The following SLC4A1 variants were observed in gnomAD, a reference collection of about 807,000 sequenced individuals.
The protein encoded by SLC4A1 is solute carrier family 4 member 1 (Diego blood group).
SLC4A1 carries 29 observed loss-of-function variants against 93.1 expected under a neutral mutation model. That is an observed-to-expected ratio of 0.31 (90% CI 0.23 to 0.42). The LOEUF (loss-of-function observed/expected upper bound fraction) is 0.42, where lower values mean the gene tolerates loss of function less well. SLC4A1 is among the 20% of genes least tolerant of loss of function. SLC4A1 has a pLI of 1.00. For synonymous variants in SLC4A1, 469 were observed against 497.2 expected (o/e 0.94, Z 0.76); for missense variants, 965 against 1,190.1 (o/e 0.81, Z 2.78).
chr17:44,263,522 G>A (rs1314167554), intron 1 of SLC4A1, among the ~76,000 whole-genome samples: 1 of 152,026 alleles, frequency 6.6e-6, no homozygotes, highest in Admixed American at 6.6e-5. Flanking sequence ...AACTCACTAA[G>A]CCCTTTCCTG....
At chr17:44,251,721 T>A (rs2047342511) in intron 17 of SLC4A1, 133 bp from the exon 18 acceptor site, 7 of 315,178 alleles carry the variant, frequency 2.2e-5, no homozygotes, top group Non-Finnish European at 3.0e-5. Context: ...TTTTCTTTTC[T>A]TTTTTTTTTT....
chr17:44,255,621 T>C, intron 14 of SLC4A1, 52 bp downstream of exon 14: 1 of 1,580,052 alleles, frequency 6.3e-7, no homozygotes, highest in Non-Finnish European at 8.7e-7. Flanking sequence ...GGGGGGGCTT[T>C]GGGCTGGGAT....
At chr17:44,263,470 G>A (rs967061287) in intron 1 of SLC4A1, among the ~76,000 whole-genome samples, 5 of 151,960 alleles carry the variant, frequency 3.3e-5, no homozygotes, top group Non-Finnish European at 5.9e-5. Flanking sequence ...CGTCTCTCTC[G>A]CTCTCTCCCC....
In SLC4A1 at chr17:44,251,345, G is replaced by A; in HGVS notation, c.2482-13C>T. On this transcript the variant is annotated splice_polypyrimidine_tract_variant and intron_variant, in intron 18 of 19. Coordinates refer to ENST00000262418, the MANE Select transcript of SLC4A1 (RefSeq NM_000342.4). The stretch of plus-strand genomic sequence containing the variant: ...GCCAGGTCTTCACCTGCAGGCGGAG[G>A]CTGGGGTCAGTGCCTATCACACCCC... 6.2e-7 allele frequency: 1 copy of A among 1,614,204 alleles called. No individual in the cohort carries two copies. Among genetic ancestry groups the A allele is most frequent in the South Asian group, 1.1e-5 (1 of 91,076 alleles).
chr17:44,262,424 A>T (rs935921109), intron 3 of SLC4A1, among the ~76,000 whole-genome samples: 26 of 152,190 alleles, frequency 1.7e-4, no homozygotes, highest in African/African-American at 6.3e-4. Context: ...TTGCAGGGGC[A>T]CTGGATGGGT....
intron 17 of SLC4A1, among the ~76,000 whole-genome samples, chr17:44,252,163 C>T (rs1161633903): frequency 1.4e-5 from 2 of 143,076 alleles, no homozygotes; most frequent in Non-Finnish European, 3.0e-5. Flanking sequence ...TCAAGCAATT[C>T]TCCTGCCTCA....
chr17:44,251,714 TC>T (rs368034252), intron 17 of SLC4A1, 126 bp from the exon 18 acceptor site: 9 of 628,680 alleles, frequency 1.4e-5, no homozygotes, highest in African/African-American at 7.0e-5. Flanking sequence ...TTTTTCCTTT[TC>T]TTTTCTTTTT....
At position 44,258,108 on chromosome 17, in the gene SLC4A1, C is replaced by T. The variant is rs201280873; in HGVS notation, c.1160G>A (p.Arg387Gln). 3.9e-5 allele frequency: 63 copies of T among 1,614,008 alleles called. 1 individual carries two copies. In the East Asian group the frequency reaches 4.0e-4, roughly 10 times the overall value. The change falls in exon 11 of 20, where the codon CGG (arginine) becomes CAG (glutamine). Residue 387 changes from arginine to glutamine, a missense_variant. Around this residue, in one of 2 missense-constraint regions of SLC4A1, gnomAD observed 770 missense variants for 1,006.6 expected, o/e 0.76. Coordinates refer to ENST00000262418, the MANE Select transcript of SLC4A1 (RefSeq NM_000342.4). The surrounding 1 kb of genome is among the most constrained non-coding windows in gnomAD (Gnocchi z 6.1). ...ACTCAGGTAATAGGGGTAGCGGCGC[C>T]GGATATCACGCACCAGGCCCCCGAA... ...QLFGGLVRDI[R>Q]RRYPYYLSDI...
At chr17:44,255,089 A>AG (rs2047376657) in intron 15 of SLC4A1, 118 bp downstream of exon 15, 3 of 732,578 alleles carry the variant, frequency 4.1e-6, no homozygotes, top group Non-Finnish European at 7.2e-6. Flanking sequence ...GGGATGGGGT[A>AG]GAGGTAGTCC....
At chr17:44,254,461 A>ACCCACCCCCGGCCCCCCCC in intron 16 of SLC4A1, 35 bp downstream of exon 16, 1 of 654,150 alleles carries the variant, frequency 1.5e-6, no homozygotes. Flanking sequence ...CCTGCCTCCC[A>ACCCACCCCCGGCCCCCCCC]CCCTCCCAGG....
At chr17:44,254,695 G>A (rs2047373166) in intron 15 of SLC4A1, 33 bp from the exon 16 acceptor site, 1 of 1,609,498 alleles carries the variant, frequency 6.2e-7, no homozygotes, top group South Asian at 1.1e-5. Context: ...AGAATGCCAA[G>A]GGCAGGAGGA....
intron 14 of SLC4A1, 22 bp downstream of exon 14, chr17:44,255,651 C>A (rs1207078962): frequency 2.7e-5 from 44 of 1,612,342 alleles, no homozygotes; most frequent in Non-Finnish European, 3.6e-5. Context: ...TTGGCAAGGA[C>A]AGGCGAGGAG....
Position 44,259,996 on chromosome 17 carries a change from G to A in SLC4A1, c.486-64C>T. ...TCAGGCTGAGCTATCAGTGGTGGGA[G>A]GGATCAAGGGCGAACATCAAGGGAC... On this transcript the variant is annotated intron_variant, in intron 6 of 19. Transcript: ENST00000262418. 1.9e-6 allele frequency: 3 copies of A among 1,601,412 alleles called. 1 individual carries two copies. The East Asian group carries it at 6.7e-5, about 36-fold the overall frequency.
At position 44,258,430 on chromosome 17, in the gene SLC4A1, C is replaced by G. The variant is rs2047410146; in HGVS notation, c.1070G>C (p.Ser357Thr). 1 of 1,614,050 alleles carries G rather than the reference C, an allele frequency of 6.2e-7. No individual in the cohort carries two copies. The highest frequency in any genetic ancestry group is 8.5e-7 in the Non-Finnish European group (1 of 1,179,982). Residue 357 changes from serine to threonine, a missense_variant, in exon 10 of 20, where the codon AGC (serine) becomes ACC (threonine). Ser to Thr is a moderately conservative substitution (Grantham distance 58). Coordinates refer to ENST00000262418, the MANE Select transcript of SLC4A1 (RefSeq NM_000342.4). This position sits in a 1 kb window ranked among gnomAD's most constrained non-coding sequence, Gnocchi z 6.1. Reference sequence around the variant, plus strand: ...GCAGGTACCTAGGCCCTTGTAGAAGCTGGAGTCTGGCTTGGCAGGGCTGGA... The same window carrying G: ...GCAGGTACCTAGGCCCTTGTAGAAGGTGGAGTCTGGCTTGGCAGGGCTGGA... Reference protein sequence around the residue: ...YQSSPAKPDSSFYKGLDLNGG... With the variant: ...YQSSPAKPDSTFYKGLDLNGG...
In SLC4A1 at chr17:44,259,047, G is replaced by A. The variant is rs189037328; in HGVS notation, c.876+116C>T. The A allele has an allele frequency of 1.4e-5, 15 of 1,085,778 alleles. No homozygotes were observed. In the East Asian group the frequency reaches 3.8e-4, roughly 28 times the overall value. 67.3% of individuals were successfully genotyped at this position (1,085,778 alleles called of 1,614,324 possible). A position where few individuals can be genotyped will look rare whatever the true frequency, so the allele number is the denominator to read the frequency against. On this transcript the variant is annotated intron_variant, in intron 9 of 19. Coordinates refer to ENST00000262418, the MANE Select transcript of SLC4A1 (RefSeq NM_000342.4). ...GGTAGGATAGCAGCAGCTGGATTAG[G>A]CTGAATGGGTCAAACCAGTGAACCT...
Position 44,258,671 on chromosome 17 carries a change from A to G in SLC4A1, c.877-48T>C. Reference sequence around the variant, plus strand: ...GAGCTGCCCGGACCTGCGGAGGGAAAGGACCCAGGAGTCCACAGCCAGGGC... The same window carrying G: ...GAGCTGCCCGGACCTGCGGAGGGAAGGGACCCAGGAGTCCACAGCCAGGGC... On this transcript the variant is annotated intron_variant, in intron 9 of 19. Transcript: ENST00000262418. The surrounding 1 kb of genome is among the most constrained non-coding windows in gnomAD (Gnocchi z 6.1). 7 of 1,534,864 alleles carry G rather than the reference A, an allele frequency of 4.6e-6. No homozygotes were observed. Among genetic ancestry groups the G allele is most frequent in the Middle Eastern group, 2.3e-4 (1 of 4,336 alleles).
chr17:44,259,675 C>T, intron 7 of SLC4A1, 94 bp from the exon 8 acceptor site: 1 of 1,533,184 alleles, frequency 6.5e-7, no homozygotes. Flanking sequence ...TCCCAACTCT[C>T]CTGGCACCCC....
At chr17:44,252,699 T>C (rs1021685527) in intron 17 of SLC4A1, among the ~76,000 whole-genome samples, 10 of 152,160 alleles carry the variant, frequency 6.6e-5, no homozygotes, top group African/African-American at 2.2e-4. Context: ...CACCGCCCCT[T>C]GTATCAGTCA....
chr17:44,251,660 C>G (rs2047341346), intron 17 of SLC4A1, 72 bp from the exon 18 acceptor site: 1 of 1,403,384 alleles, frequency 7.1e-7, no homozygotes, highest in Non-Finnish European at 1.0e-6. Flanking sequence ...AGGCCCCTAT[C>G]TGGGGCTGGG....
Sources: gnomAD v4.1 joint callset for allele counts (sites outside exome capture counted in the v4.1 genomes callset) on GRCh38, gnomAD v4.1.1 for gene constraint, gnomAD v4.1.1 regional missense constraint, Gnocchi (gnomAD v3.1) non-coding constraint, MANE v1.5 for transcripts, NCBI Gene and HGNC (gene_info 2026-07-23, HGNC 2026-07-21) for gene names.